CELF2: variants seen among roughly 807,000 people sequenced by gnomAD.
The protein encoded by CELF2 is CUG triplet repeat RNA-binding protein 2.
A neutral mutation model predicts 62.6 loss-of-function variants in CELF2; 8 were observed. The observed-to-expected ratio is 0.13, with a 90% confidence interval of 0.07 to 0.23. The LOEUF is 0.23. Ranked by LOEUF, CELF2 falls within the 10% of genes least tolerant of loss-of-function variation. The pLI is 1.00. For synonymous variants in CELF2, 258 were observed against 250.0 expected (o/e 1.03, Z -0.30); for missense variants, 333 against 671.0 (o/e 0.50, Z 5.56).
rs574787613 is a variant in CELF2, at chr10:11,142,973, C to G, written c.75-22513C>G. On this transcript the variant is annotated intron_variant, in intron 1 of 12. Coordinates refer to ENST00000633077, the MANE Select transcript of CELF2 (RefSeq NM_001326342.2). ...GTCCTCCCTCCACTGGGGGAACTCA[C>G]TCCCCTCGTGATTCTTCTGTCCTCC... 4.6e-3 allele frequency among the ~76,000 whole-genome samples: 671 copies of G among 145,924 alleles called. 13 individuals carry two copies. The highest frequency in any genetic ancestry group is 0.016 in the African/African-American group (608 of 37,330).
chr10:10,827,258 C>T (rs2057469547), intron 1 of CELF2, among the ~76,000 whole-genome samples: 1 of 152,142 alleles, frequency 6.6e-6, no homozygotes. Context: ...CCAGAGTATG[C>T]AGAAGGTAAA....
rs181285616 is a variant in CELF2 at position 11,010,087 on chromosome 10, T to C, written c.53+4647T>C. On this transcript the variant is annotated intron_variant, in intron 1 of 12. Transcript: ENST00000416382. This position sits in a 1 kb window ranked among gnomAD's most constrained non-coding sequence, Gnocchi z 4.1. ...CACCAGGACAGCAGGCCCTGCGATG[T>C]TGCTCATGCTTTGCTTTGTGAACAT... 2.0e-5 allele frequency: 3 copies of C among 152,262 alleles called. No homozygotes were observed. Among genetic ancestry groups the C allele is most frequent in the Non-Finnish European group, 4.4e-5 (3 of 68,046 alleles). The allele number at this position is 152,262 out of a possible 1,614,324, so 9.4% of individuals were successfully genotyped here. A position where few individuals can be genotyped will look rare whatever the true frequency, so the allele number is the denominator to read the frequency against.
At chr10:10,942,417 T>C (rs965228751) in intron 2 of CELF2, among the ~76,000 whole-genome samples, 8 of 152,156 alleles carry the variant, frequency 5.3e-5, no homozygotes, top group Non-Finnish European at 1.2e-4. Context: ...AAGGATTCCG[T>C]TTCTTATGGT....
intron 1 of CELF2, among the ~76,000 whole-genome samples, chr10:11,148,686 GC>G (rs1263965960): frequency 3.3e-5 from 5 of 152,110 alleles, no homozygotes; most frequent in Non-Finnish European, 7.4e-5. Context: ...AATAATGTAT[GC>G]TTTCATACAT....
rs116438995 is a variant in CELF2 at position 11,034,700 on chromosome 10, A to G, written c.74+16537A>G. On this transcript the variant is annotated intron_variant, in intron 1 of 12. Transcript: ENST00000633077. The stretch of plus-strand genomic sequence containing the variant: ...AAAAGAGCTGCAGTGGTGGTGGTGC[A>G]CTGCTCCATTAGGTCAGGTTGAATC... Among the ~76,000 whole-genome samples the G allele has an allele frequency of 7.6e-3, 1,156 of 152,260 alleles. 11 individuals carry two copies. Among genetic ancestry groups the G allele is most frequent in the African/African-American group, 0.025 (1,054 of 41,534 alleles).
chr10:11,206,937 TC>T (rs1483663805), intron 2 of CELF2, among the ~76,000 whole-genome samples: 2 of 152,114 alleles, frequency 1.3e-5, no homozygotes, highest in African/African-American at 2.4e-5. Context: ...GTGGGAGAGT[TC>T]GTGAAACAGC....
At chr10:10,549,229 C>A in the CELF2 span, among the ~76,000 whole-genome samples, 1 of 152,152 alleles carries the variant, frequency 6.6e-6, no homozygotes, top group African/African-American at 2.4e-5. Context: ...AATTTCCTCA[C>A]CATTCTGGAG....
intron 1 of CELF2, among the ~76,000 whole-genome samples, chr10:10,813,106 C>T (rs529610621): frequency 4.5e-4 from 68 of 152,280 alleles, no homozygotes; most frequent in Middle Eastern, 3.4e-3. Context: ...TATATTGATC[C>T]TCATTTTCTT....
rs935077534 is a variant in CELF2 at position 11,165,872 on chromosome 10, G to A, written c.271+190G>A. Among the ~76,000 whole-genome samples the A allele has an allele frequency of 6.6e-6, 1 of 152,228 alleles. No homozygotes were observed. The highest frequency in any genetic ancestry group is 1.5e-5 in the Non-Finnish European group (1 of 68,020). ...CCGCACCCCCGCCCGCCTGCCCGCC[G>A]GGACAGGTTGGAGGCGGGAGAGAGG... is the stretch of plus-strand genomic sequence containing the variant. On this transcript the variant is annotated intron_variant, in intron 2 of 12. Coordinates refer to ENST00000633077, the MANE Select transcript of CELF2 (RefSeq NM_001326342.2). This position sits in a 1 kb window ranked among gnomAD's most constrained non-coding sequence, Gnocchi z 7.4.
intron 9 of CELF2, among the ~76,000 whole-genome samples, chr10:11,313,586 T>C (rs2140525495): frequency 6.6e-6 from 1 of 152,308 alleles, no homozygotes; most frequent in African/African-American, 2.4e-5. Context: ...CATGAAGAAA[T>C]ACAAAGTCCA....
At position 11,329,062 on chromosome 10, in the gene CELF2, C is replaced by T. The variant is rs917068575; in HGVS notation, c.*9C>T. ...ACAGCAAACCTTACTGATCCTAACC[C>T]CAGAGGCTCCCTGCTCTCATTTTAG... On this transcript the variant is annotated 3_prime_UTR_variant, in exon 13 of 13. Coordinates refer to ENST00000633077, the MANE Select transcript of CELF2 (RefSeq NM_001326342.2). The surrounding 1 kb of genome is among the most constrained non-coding windows in gnomAD (Gnocchi z 5.5). 3.7e-6 allele frequency: 6 copies of T among 1,606,910 alleles called. No homozygotes were observed. Among genetic ancestry groups the T allele is most frequent in the Non-Finnish European group, 5.1e-6 (6 of 1,174,728 alleles).
chr10:10,911,953 G>A (rs1350253128), intron 1 of CELF2, among the ~76,000 whole-genome samples: 2 of 152,242 alleles, frequency 1.3e-5, no homozygotes, highest in African/African-American at 2.4e-5. Flanking sequence ...TCTAAGTGAT[G>A]TGGTGAGTTT....
At position 11,334,677 on chromosome 10, in the gene CELF2, C is replaced by T. The variant is rs535425537; in HGVS notation, c.*5624C>T. 4.1e-4 allele frequency: 63 copies of T among 152,316 alleles called. No homozygotes were observed. Among genetic ancestry groups the T allele is most frequent in the African/African-American group, 1.5e-3 (62 of 41,562 alleles). The allele number at this position is 152,316 out of a possible 1,614,324, so 9.4% of individuals were successfully genotyped here. A position where few individuals can be genotyped will look rare whatever the true frequency, so the allele number is the denominator to read the frequency against. ...TTTTGACCACACAGGTTAATTTCCC[C>T]TTCTCTCCCCTCCCTCATGAGTCTA... On this transcript the variant is annotated 3_prime_UTR_variant, in exon 13 of 13. Coordinates refer to ENST00000633077, the MANE Select transcript of CELF2 (RefSeq NM_001326342.2).
intron 3 of CELF2, among the ~76,000 whole-genome samples, chr10:11,245,555 A>G (rs1389572874): frequency 6.6e-6 from 1 of 152,246 alleles, no homozygotes; most frequent in African/African-American, 2.4e-5. Flanking sequence ...GAGCCCAGGA[A>G]AGAGCAAAAC....
At chr10:10,467,156 A>T in the CELF2 span, among the ~76,000 whole-genome samples, 1 of 152,028 alleles carries the variant, frequency 6.6e-6, no homozygotes, top group African/African-American at 2.4e-5. Flanking sequence ...TTTTGTGTGG[A>T]CAAAGTGGAA....
the CELF2 span, among the ~76,000 whole-genome samples, chr10:10,517,765 A>G: frequency 2.6e-5 from 4 of 152,334 alleles, no homozygotes; most frequent in African/African-American, 7.2e-5. Flanking sequence ...AATTCTCAAC[A>G]GGAGCTCTGA....
At chr10:10,808,308 C>A (rs2055454508) in intron 1 of CELF2, among the ~76,000 whole-genome samples, 1 of 152,174 alleles carries the variant, frequency 6.6e-6, no homozygotes, top group African/African-American at 2.4e-5. Flanking sequence ...TTTACCTGTA[C>A]AAATATAACC....
At chr10:11,291,100 G>A (rs7909827) in intron 9 of CELF2, among the ~76,000 whole-genome samples, 14 of 152,090 alleles carry the variant, frequency 9.2e-5, no homozygotes, top group African/African-American at 2.9e-4. Flanking sequence ...AATAAACTGG[G>A]CATACTATTT....
At chr10:10,748,313 T>A in the CELF2 span, among the ~76,000 whole-genome samples, 1 of 152,192 alleles carries the variant, frequency 6.6e-6, no homozygotes, top group Non-Finnish European at 1.5e-5. Context: ...GCACGGTCTA[T>A]GCGTGGAACA....
Sources: gnomAD v4.1 joint callset for allele counts (sites outside exome capture counted in the v4.1 genomes callset) on GRCh38, gnomAD v4.1.1 for gene constraint, Gnocchi (gnomAD v3.1) non-coding constraint, MANE v1.5 for transcripts, NCBI Gene and HGNC (gene_info 2026-07-23, HGNC 2026-07-21) for gene names.